VPS54: variants seen among roughly 807,000 people sequenced by gnomAD.
VPS54 encodes vacuolar protein sorting-associated protein 54.
A neutral mutation model predicts 121.5 loss-of-function variants in VPS54; 45 were observed. The observed-to-expected ratio is 0.37, with a 90% CI of 0.29 to 0.47. The LOEUF (loss-of-function observed/expected upper bound fraction) is 0.47, where lower values mean the gene tolerates loss of function less well. VPS54 is among the 20% of genes least tolerant of loss of function. VPS54 has a pLI of 0.99. For synonymous variants in VPS54, 371 were observed against 385.8 expected (o/e 0.96, Z 0.45); for missense variants, 1,090 against 1,131.4 (o/e 0.96, Z 0.52).
chr2:63,932,652 TAAAAA>T (rs770433517), intron 12 of VPS54, among the ~76,000 whole-genome samples: 1 of 126,736 alleles, frequency 7.9e-6, no homozygotes, highest in Non-Finnish European at 1.7e-5. Flanking sequence ...ACTTAAAGTA[TAAAAA>T]AAAAAAAACA....
At chr2:63,986,045 C>T (rs1269112632) in intron 1 of VPS54, among the ~76,000 whole-genome samples, 1 of 152,128 alleles carries the variant, frequency 6.6e-6, no homozygotes, top group Non-Finnish European at 1.5e-5. Flanking sequence ...TCTCATTAAT[C>T]AAATAAAACA....
intron 1 of VPS54, among the ~76,000 whole-genome samples, chr2:63,994,943 G>A (rs1252801539): frequency 6.6e-6 from 1 of 152,102 alleles, no homozygotes; most frequent in East Asian, 1.9e-4. Context: ...TTTCTTATTG[G>A]GAGAACGAGA....
Position 64,019,336 on chromosome 2 carries a change from T to C in VPS54, c.-419A>G, listed in dbSNP as rs1678867973. 1.3e-5 allele frequency among the ~76,000 whole-genome samples: 2 copies of C among 150,384 alleles called. No homozygotes were observed. Among genetic ancestry groups the C allele is most frequent in the African/African-American group, 4.8e-5 (2 of 41,288 alleles). On this transcript the variant is annotated 5_prime_UTR_variant, in exon 1 of 23. Transcript: ENST00000272322. Reference sequence around the variant, plus strand: ...CTAGCGCTTCTGCTCCCGACTCCACTGCTTTCCCTCACCCCGCCGGCCCAG... The same window carrying C: ...CTAGCGCTTCTGCTCCCGACTCCACCGCTTTCCCTCACCCCGCCGGCCCAG...
intron 20 of VPS54, 57 bp from the exon 21 acceptor site, chr2:63,899,638 C>T (rs1366021047): frequency 1.4e-6 from 2 of 1,388,868 alleles, no homozygotes; most frequent in Non-Finnish European, 2.0e-6. Context: ...CATAATGTCT[C>T]CACCATTCCC....
chr2:64,018,620 G>T (rs1475939089), intron 1 of VPS54, among the ~76,000 whole-genome samples: 3 of 152,028 alleles, frequency 2.0e-5, no homozygotes, highest in Non-Finnish European at 2.9e-5. Flanking sequence ...AGCGTCTAAG[G>T]GGGTGATGGA....
At chr2:63,894,616 T>C (rs981325307) in intron 22 of VPS54, among the ~76,000 whole-genome samples, 5 of 151,900 alleles carry the variant, frequency 3.3e-5, no homozygotes, top group Non-Finnish European at 5.9e-5. Context: ...AGTGGGAGGA[T>C]TGCTTGAGCC....
At chr2:63,903,806 T>C (rs529386210) in intron 20 of VPS54, among the ~76,000 whole-genome samples, 1 of 151,718 alleles carries the variant, frequency 6.6e-6, no homozygotes, top group Non-Finnish European at 1.5e-5. Flanking sequence ...AATAAAACTA[T>C]AAAAAACATT....
intron 12 of VPS54, among the ~76,000 whole-genome samples, chr2:63,932,693 G>T (rs957627624): frequency 3.3e-5 from 5 of 150,678 alleles, no homozygotes; most frequent in Non-Finnish European, 7.4e-5. Flanking sequence ...ATAAAGTACT[G>T]AGTTGATTTA....
At chr2:63,935,069 C>A (rs1475608866) in intron 11 of VPS54, among the ~76,000 whole-genome samples, 2 of 152,080 alleles carry the variant, frequency 1.3e-5, no homozygotes, top group African/African-American at 4.8e-5. Context: ...CATGGAACCA[C>A]CACAATCTGA....
chr2:63,940,288 C>T (rs1358549855), intron 11 of VPS54, among the ~76,000 whole-genome samples: 2 of 152,066 alleles, frequency 1.3e-5, no homozygotes, highest in East Asian at 3.9e-4. Context: ...TAATACTTGA[C>T]AGAATCACAA....
intron 12 of VPS54, among the ~76,000 whole-genome samples, chr2:63,924,323 C>T (rs1420916419): frequency 6.6e-6 from 1 of 152,134 alleles, no homozygotes; most frequent in African/African-American, 2.4e-5. Context: ...ATTCTGGCCA[C>T]TAGGATGTGA....
chr2:63,939,121 C>G (rs887591849), intron 11 of VPS54, among the ~76,000 whole-genome samples: 2 of 152,026 alleles, frequency 1.3e-5, no homozygotes, highest in African/African-American at 4.8e-5. Flanking sequence ...AATACTAAAT[C>G]CCTGCACTTT....
At chr2:63,913,509 A>G (rs1386037101) in intron 17 of VPS54, among the ~76,000 whole-genome samples, 199 bp from the exon 18 acceptor site, 1 of 152,198 alleles carries the variant, frequency 6.6e-6, no homozygotes, top group African/African-American at 2.4e-5. Flanking sequence ...ATATTTACTG[A>G]TAAGAAAAAA....
At chr2:63,907,459 G>A (rs200880121) in intron 20 of VPS54, among the ~76,000 whole-genome samples, 38 of 151,092 alleles carry the variant, frequency 2.5e-4, no homozygotes, top group East Asian at 9.7e-4. Flanking sequence ...CGGAGGTTGC[G>A]GTGAGCTGAG....
intron 2 of VPS54, among the ~76,000 whole-genome samples, chr2:63,983,057 A>G (rs1430906362): frequency 6.6e-6 from 1 of 152,208 alleles, no homozygotes; most frequent in Admixed American, 6.5e-5. Context: ...AGCAGCTTTC[A>G]ATCTGTACCT....
intron 4 of VPS54, among the ~76,000 whole-genome samples, chr2:63,969,281 C>A: frequency 6.6e-6 from 1 of 152,132 alleles, no homozygotes; most frequent in East Asian, 1.9e-4. Context: ...TCTCAGTGGT[C>A]CCCAACCCCT....
Position 63,933,916 on chromosome 2 carries a change from G to A in VPS54, c.1496C>T (p.Ala499Val), listed in dbSNP as rs772129064. The change falls in exon 12 of 23, where the codon GCA (alanine) becomes GTA (valine). Residue 499 changes from alanine (A) to valine (V), a missense_variant. Coordinates refer to ENST00000272322, the MANE Select transcript of VPS54 (RefSeq NM_016516.3). ...LEEISQQKNA[A>V]KDNSLDTEVA... The stretch of plus-strand genomic sequence containing the variant: ...CTCTGTGTCCAGTGAATTATCTTTT[G>A]CAGCATTCTTCTGTTGTGAAATCTC... 3.7e-6 allele frequency: 6 copies of A among 1,613,568 alleles called. No individual in the cohort carries two copies. The African/African-American group carries it at 8.0e-5, about 22-fold the overall frequency.
At chr2:63,929,127 A>C (rs1236325207) in intron 12 of VPS54, among the ~76,000 whole-genome samples, 1 of 152,214 alleles carries the variant, frequency 6.6e-6, no homozygotes, top group African/African-American at 2.4e-5. Flanking sequence ...ATTAACAAGG[A>C]TATCCAGGAC....
chr2:63,974,992 C>T, intron 3 of VPS54: 1 of 1,549,766 alleles, frequency 6.5e-7, no homozygotes, highest in Non-Finnish European at 8.7e-7. Context: ...TTACCTTGAT[C>T]CTGTTCTTAG....
Sources: allele counts gnomAD v4.1 joint callset (sites outside exome capture counted in the v4.1 genomes callset), GRCh38; gene constraint gnomAD v4.1.1; transcripts MANE v1.5; gene names NCBI Gene and HGNC (gene_info 2026-07-23, HGNC 2026-07-21).